BLTP1: variants seen among roughly 807,000 people sequenced by gnomAD.
BLTP1 encodes the protein bridge-like lipid transfer protein family member 1.
the BLTP1 span, chr4:122,175,888 T>G: frequency 1.3e-6 from 2 of 1,558,824 alleles, no homozygotes; most frequent in Non-Finnish European, 1.8e-6. Flanking sequence ...TGGTGGAAAA[T>G]GTATAACCCA....
At chr4:122,362,537 T>TAAC in the BLTP1 span, 1 of 182,058 alleles carries the variant, frequency 5.5e-6, no homozygotes, top group East Asian at 1.4e-4. Flanking sequence ...GTCTGCAGAA[T>TAAC]AACTGTGAAT....
At chr4:122,306,266 GTGTC>G in the BLTP1 span, among the ~76,000 whole-genome samples, 2 of 152,064 alleles carry the variant, frequency 1.3e-5, no homozygotes, top group Admixed American at 1.3e-4. Context: ...TAACATAAGA[GTGTC>G]TGCTTCAGAT....
chr4:122,172,413 G>A, the BLTP1 span: 6 of 502,904 alleles, frequency 1.2e-5, no homozygotes, highest in Non-Finnish European at 1.5e-5. Context: ...AATTTTATAA[G>A]TAACCATATA....
At chr4:122,347,893 A>T in the BLTP1 span, 1 of 619,380 alleles carries the variant, frequency 1.6e-6, no homozygotes, top group Non-Finnish European at 2.5e-6. Flanking sequence ...GGTTTTTATG[A>T]CACGTCAAAA....
At chr4:122,164,693 A>G in the BLTP1 span, among the ~76,000 whole-genome samples, 1 of 152,072 alleles carries the variant, frequency 6.6e-6, no homozygotes, top group Non-Finnish European at 1.5e-5. Context: ...AAATTTGATT[A>G]TATTGGTATG....
At chr4:122,204,634 T>A in the BLTP1 span, 1 of 942,050 alleles carries the variant, frequency 1.1e-6, no homozygotes, top group Admixed American at 6.2e-5. Flanking sequence ...AAGACAGTAT[T>A]TAGTTTGACC....
At chr4:122,215,967 G>A in the BLTP1 span, among the ~76,000 whole-genome samples, 1 of 151,954 alleles carries the variant, frequency 6.6e-6, no homozygotes, top group Non-Finnish European at 1.5e-5. Context: ...ACTTCACTTA[G>A]AATAATGGTC....
chr4:122,246,145 T>C, the BLTP1 span: 7 of 1,558,554 alleles, frequency 4.5e-6, no homozygotes, highest in Non-Finnish European at 6.0e-6. Flanking sequence ...ACTTACGATC[T>C]TTTTAGTTAT....
the BLTP1 span, among the ~76,000 whole-genome samples, chr4:122,213,471 T>A: frequency 2.0e-5 from 3 of 152,042 alleles, no homozygotes; most frequent in Non-Finnish European, 4.4e-5. Flanking sequence ...ATTTTCTTGT[T>A]CATGTATTTT....
At chr4:122,305,657 A>G in the BLTP1 span, 3 of 947,382 alleles carry the variant, frequency 3.2e-6, no homozygotes, top group African/African-American at 3.5e-5. Context: ...TAACTTTTAT[A>G]TAAAGTTTAT....
the BLTP1 span, among the ~76,000 whole-genome samples, chr4:122,342,706 G>A: frequency 1.3e-5 from 2 of 152,096 alleles, no homozygotes; most frequent in Non-Finnish European, 2.9e-5. Flanking sequence ...GGGACCACTG[G>A]AAGAAAAACA....
chr4:122,344,295 T>C, the BLTP1 span: 10 of 1,359,418 alleles, frequency 7.4e-6, no homozygotes, highest in Non-Finnish European at 1.0e-5. Flanking sequence ...TATTACAGTA[T>C]ATTAGATAAT....
chr4:122,287,899 A>G, the BLTP1 span, among the ~76,000 whole-genome samples: 4 of 152,284 alleles, frequency 2.6e-5, no homozygotes, highest in Non-Finnish European at 5.9e-5. Context: ...TTTTAGCAAT[A>G]CTATTATTAA....
chr4:122,192,077 A>G, the BLTP1 span: 1 of 602,878 alleles, frequency 1.7e-6, no homozygotes, highest in South Asian at 4.5e-5. Flanking sequence ...TAGACATAAG[A>G]CAATATGAGA....
chr4:122,305,783 GT>G, the BLTP1 span: 5 of 1,368,296 alleles, frequency 3.7e-6, no homozygotes, highest in Non-Finnish European at 3.8e-6. Context: ...ATGTATTATA[GT>G]TTTTTTGGTG....
chr4:122,311,093 T>C, the BLTP1 span: 1 of 163,026 alleles, frequency 6.1e-6, no homozygotes, highest in South Asian at 2.0e-4. Context: ...TTTATTAAAA[T>C]AAGTAGAATA....
the BLTP1 span, among the ~76,000 whole-genome samples, chr4:122,284,217 C>G: frequency 6.6e-6 from 1 of 152,210 alleles, no homozygotes; most frequent in South Asian, 2.1e-4. Context: ...GTTGTAGATT[C>G]TTAGGAGTTT....
the BLTP1 span, chr4:122,343,312 C>T: frequency 6.8e-7 from 1 of 1,465,786 alleles, no homozygotes; most frequent in Non-Finnish European, 9.2e-7. Flanking sequence ...TGAGTGTTTC[C>T]ATTTTATTCT....
chr4:122,205,682 T>TAATA, the BLTP1 span, among the ~76,000 whole-genome samples: 11 of 145,878 alleles, frequency 7.5e-5, no homozygotes, highest in African/African-American at 2.5e-4. Flanking sequence ...GTCTGTGCTA[T>TAATA]AATAATACTG....
Sources: gnomAD v4.1 joint callset for allele counts (sites outside exome capture counted in the v4.1 genomes callset) on GRCh38, gnomAD v4.1.1 for gene constraint, MANE v1.5 for transcripts, NCBI Gene and HGNC (gene_info 2026-07-23, HGNC 2026-07-21) for gene names.